The following SYK variants were observed in gnomAD, a reference collection of about 807,000 sequenced individuals.
SYK encodes the protein spleen associated tyrosine kinase, also known as tyrosine-protein kinase SYK.
A neutral mutation model predicts 77.8 loss-of-function variants in SYK; 16 were observed. That is an observed-to-expected ratio of 0.21 (90% CI 0.14 to 0.31). The LOEUF is 0.31. Among genes scored for constraint, SYK ranks in the 10% least tolerant of loss-of-function variants. SYK has a pLI of 1.00. For missense variants in SYK, 529 were observed against 814.4 expected, an observed-to-expected ratio of 0.65 and a Z score of 4.26; for synonymous variants, 312 against 308.7, an observed-to-expected ratio of 1.01 and a Z score of -0.11.
At chr9:90,802,906 G>T (rs976529822) in intron 1 of SYK, among the ~76,000 whole-genome samples, 3 of 150,050 alleles carry the variant, frequency 2.0e-5, no homozygotes, top group Non-Finnish European at 4.4e-5. Context: ...AAGAGTTCCT[G>T]GAAGAAATGG....
rs577325407 is a variant in SYK at position 90,847,958 on chromosome 9, C to A, written c.578+2364C>A. On this transcript the variant is annotated intron_variant, in intron 3 of 13. Coordinates refer to ENST00000375754, the MANE Select transcript of SYK (RefSeq NM_003177.7). ...CACCTTGGAGGGGTTTGCCACCTGGCAATTTCACCTCTTGACAACCTTTCA... is the reference window on the plus strand; with the variant it reads ...CACCTTGGAGGGGTTTGCCACCTGGAAATTTCACCTCTTGACAACCTTTCA... Among the ~76,000 whole-genome samples, 281 of 152,350 alleles carry A rather than the reference C, an allele frequency of 1.8e-3. 1 individual carries two copies. The highest frequency in any genetic ancestry group is 5.5e-3 in the African/African-American group (229 of 41,588).
At chr9:90,817,982 CT>C (rs1405433645) in intron 1 of SYK, among the ~76,000 whole-genome samples, 1 of 152,134 alleles carries the variant, frequency 6.6e-6, no homozygotes, top group Admixed American at 6.5e-5. Flanking sequence ...TCAGTCTCCT[CT>C]CTTCAACACT....
chr9:90,874,951 T>A (rs1827871892), intron 9 of SYK, 102 bp downstream of exon 9: 1 of 1,315,238 alleles, frequency 7.6e-7, no homozygotes, highest in Admixed American at 2.3e-5. Flanking sequence ...ACCCTTTTTT[T>A]ATTAATGCTA....
intron 1 of SYK, among the ~76,000 whole-genome samples, chr9:90,820,779 G>T (rs935227404): frequency 1.3e-5 from 2 of 152,132 alleles, no homozygotes; most frequent in Non-Finnish European, 2.9e-5. Context: ...AATTTCTGCA[G>T]CTGAGTTGAA....
chr9:90,805,522 G>T (rs1313615985), intron 1 of SYK, among the ~76,000 whole-genome samples: 6 of 152,184 alleles, frequency 3.9e-5, no homozygotes, highest in Non-Finnish European at 8.8e-5. Context: ...CAGAAGGAGG[G>T]CCCAGGGCAG....
rs377482470 is a variant in SYK at position 90,826,178 on chromosome 9, GGTA to G, written c.-41-17678_-41-17676del. On this transcript the variant is annotated intron_variant, in intron 1 of 13. Coordinates refer to ENST00000375754, the MANE Select transcript of SYK (RefSeq NM_003177.7). ...GGCCTTTGCACTGCCACCTGAAGATGGTAGCTAAGAGAAGAGGCAGGCTTCAAA... is the reference window on the plus strand; with the variant it reads ...GGCCTTTGCACTGCCACCTGAAGATGGCTAAGAGAAGAGGCAGGCTTCAAA... 6.0e-4 allele frequency among the ~76,000 whole-genome samples: 91 copies of G among 152,338 alleles called. 1 individual carries two copies. The East Asian group carries it at 0.013, about 21-fold the overall frequency.
chr9:90,879,074 C>T (rs951962361), intron 11 of SYK, 121 bp downstream of exon 11: 32 of 663,228 alleles, frequency 4.8e-5, no homozygotes, highest in Non-Finnish European at 7.9e-5. Context: ...TGAAAAATAA[C>T]TATGTAAGAT....
intron 10 of SYK, among the ~76,000 whole-genome samples, chr9:90,878,238 C>T (rs1828018249): frequency 6.6e-6 from 1 of 152,176 alleles, no homozygotes; most frequent in African/African-American, 2.4e-5. Context: ...TTGATTACAT[C>T]CATCAAGGGA....
At chr9:90,894,193 A>T (rs145395718) in intron 13 of SYK, among the ~76,000 whole-genome samples, 79 of 152,316 alleles carry the variant, frequency 5.2e-4, no homozygotes, top group Non-Finnish European at 1.0e-3. Flanking sequence ...AAGATGCTGA[A>T]GTGTGTTCTC....
At chr9:90,836,395 TA>T (rs1202484678) in intron 1 of SYK, among the ~76,000 whole-genome samples, 10 of 152,186 alleles carry the variant, frequency 6.6e-5, no homozygotes, top group Non-Finnish European at 1.3e-4. Flanking sequence ...ACTCTATTAT[TA>T]AAATTAAAAT....
chr9:90,848,990 G>A (rs1826709300), intron 3 of SYK, among the ~76,000 whole-genome samples: 1 of 152,330 alleles, frequency 6.6e-6, no homozygotes, highest in Admixed American at 6.5e-5. Context: ...CCTGTGGCAG[G>A]AGCGTGCCTG....
chr9:90,893,134 A>G (rs1828860977), intron 13 of SYK, among the ~76,000 whole-genome samples: 2 of 152,236 alleles, frequency 1.3e-5, no homozygotes. Context: ...TGGGGCAGAC[A>G]GGCAATAAAC....
chr9:90,882,291 G>A (rs1828187141), intron 11 of SYK, among the ~76,000 whole-genome samples: 1 of 152,226 alleles, frequency 6.6e-6, no homozygotes. Context: ...CAAGGTGATG[G>A]AAACAGAAGT....
chr9:90,863,344 C>G (rs994513804), intron 4 of SYK, among the ~76,000 whole-genome samples: 1 of 152,122 alleles, frequency 6.6e-6, no homozygotes, highest in Non-Finnish European at 1.5e-5. Flanking sequence ...TTCCAATGTC[C>G]TCACCCAAGC....
At chr9:90,860,768 C>T (rs1383120968) in intron 3 of SYK, among the ~76,000 whole-genome samples, 1 of 152,120 alleles carries the variant, frequency 6.6e-6, no homozygotes, top group African/African-American at 2.4e-5. Flanking sequence ...TGAGATAAGT[C>T]TCCATGGCAA....
At chr9:90,824,616 A>G (rs911741194) in intron 1 of SYK, among the ~76,000 whole-genome samples, 1 of 152,156 alleles carries the variant, frequency 6.6e-6, no homozygotes, top group Non-Finnish European at 1.5e-5. Flanking sequence ...TAGAGAAGAA[A>G]AATCATATGA....
intron 9 of SYK, among the ~76,000 whole-genome samples, chr9:90,876,303 A>AAAG (rs1564113900): frequency 5.2e-4 from 57 of 109,892 alleles, no homozygotes; most frequent in African/African-American, 1.9e-3. Flanking sequence ...AAAAAAAAAA[A>AAAG]AAAGAAAGAA....
chr9:90,846,853 A>G (rs1826616996), intron 3 of SYK, among the ~76,000 whole-genome samples: 1 of 152,298 alleles, frequency 6.6e-6, no homozygotes, highest in East Asian at 1.9e-4. Context: ...ACCTATGGCT[A>G]TTTTTGCTGA....
At chr9:90,820,755 T>C (rs1825483210) in intron 1 of SYK, among the ~76,000 whole-genome samples, 1 of 152,216 alleles carries the variant, frequency 6.6e-6, no homozygotes, top group Non-Finnish European at 1.5e-5. Context: ...ATTAGGCTCA[T>C]TGCTACTTAT....
Sources: allele counts gnomAD v4.1 joint callset (sites outside exome capture counted in the v4.1 genomes callset), GRCh38; gene constraint gnomAD v4.1.1; transcripts MANE v1.5; gene names NCBI Gene and HGNC (gene_info 2026-07-23, HGNC 2026-07-21).